ITGB8: variants seen among roughly 807,000 people sequenced by gnomAD.
ITGB8 encodes the protein integrin beta-8.
In ITGB8, 30 loss-of-function variants were observed where a neutral mutation model predicts 89.5. The observed-to-expected ratio is 0.34, with a 90% CI of 0.25 to 0.45. ITGB8 has a LOEUF of 0.45. Ranked by LOEUF, ITGB8 falls within the 20% of genes least tolerant of loss-of-function variation. The probability of loss-of-function intolerance (pLI) is 1.00; values close to 1 mark genes in which losing one functional copy is unlikely to be tolerated. For missense variants in ITGB8, 836 were observed against 933.3 expected (o/e 0.90, Z 1.36); for synonymous variants, 335 against 320.4 (o/e 1.05, Z -0.49).
chr7:20,365,603 A>C (rs892924176), intron 2 of ITGB8: 3 of 152,218 alleles, frequency 2.0e-5, no homozygotes, highest in Admixed American at 1.3e-4. Flanking sequence ...TTAGGACTAT[A>C]TATAGAACTT....
chr7:20,380,644 C>T (rs1478325026), intron 4 of ITGB8, 22 bp from the exon 5 acceptor site: 26 of 1,601,304 alleles, frequency 1.6e-5, no homozygotes, highest in Non-Finnish European at 2.1e-5. Flanking sequence ...ATAAACTTTA[C>T]ACTTCTTCTT....
intron 3 of ITGB8, among the ~76,000 whole-genome samples, chr7:20,376,211 G>A (rs1424677332): frequency 3.9e-5 from 6 of 152,126 alleles, no homozygotes; most frequent in South Asian, 4.1e-4. Context: ...ATGTAGCCAC[G>A]TCCCCATGCC....
At chr7:20,333,611 G>A (rs1257054357) in intron 1 of ITGB8, among the ~76,000 whole-genome samples, 1 of 151,908 alleles carries the variant, frequency 6.6e-6, no homozygotes, top group Non-Finnish European at 1.5e-5. Context: ...ATAAACATTA[G>A]TCAGGCTCTT....
At chr7:20,408,377 C>CAAA (rs3032573) in intron 12 of ITGB8, among the ~76,000 whole-genome samples, 17 of 97,330 alleles carry the variant, frequency 1.7e-4, no homozygotes, top group Admixed American at 3.2e-4. Context: ...TACCTTATCA[C>CAAA]AAAAAAAAAA....
chr7:20,352,926 A>G (rs1785159835), intron 1 of ITGB8: 1 of 152,214 alleles, frequency 6.6e-6, no homozygotes, highest in East Asian at 1.9e-4. Flanking sequence ...TTTCAATGCA[A>G]AGTTGATTAT....
chr7:20,348,789 G>T (rs1785013862), intron 1 of ITGB8, among the ~76,000 whole-genome samples: 2 of 152,176 alleles, frequency 1.3e-5, no homozygotes, highest in Non-Finnish European at 2.9e-5. Context: ...GATGGAAGCT[G>T]GGGAGAATCT....
intron 3 of ITGB8, among the ~76,000 whole-genome samples, chr7:20,376,139 G>C (rs1434915899): frequency 1.3e-5 from 2 of 152,228 alleles, no homozygotes; most frequent in African/African-American, 2.4e-5. Flanking sequence ...ATGAAACTGA[G>C]GGTGCTGTCC....
intron 1 of ITGB8, among the ~76,000 whole-genome samples, chr7:20,354,870 A>G (rs1046781634): frequency 5.3e-5 from 8 of 152,194 alleles, no homozygotes; most frequent in African/African-American, 1.4e-4. Flanking sequence ...AGTTCCTCTC[A>G]ATGCCACCTT....
chr7:20,370,574 C>T (rs1171992920), intron 3 of ITGB8, among the ~76,000 whole-genome samples: 1 of 148,100 alleles, frequency 6.8e-6, no homozygotes, highest in African/African-American at 2.5e-5. Context: ...TAAACTTTTA[C>T]ACTACTTTAT....
At chr7:20,334,503 A>T (rs1167573483) in intron 1 of ITGB8, among the ~76,000 whole-genome samples, 3 of 152,114 alleles carry the variant, frequency 2.0e-5, no homozygotes. Context: ...ATGAAATTTC[A>T]CCTTCTGTTT....
rs1787748736 is a variant in ITGB8 at position 20,411,171 on chromosome 7, T to TTTTA, written c.*1174_*1175insTTTA. On this transcript the variant is annotated 3_prime_UTR_variant, in exon 14 of 14. Transcript: ENST00000222573. ...CTTTTTTTTTTTTTTTTTTTTTTTT[T>TTTTA]GAGACGGAGTTTCACTCTTGTCACC... The TTTTA allele has an allele frequency of 1.1e-5, 1 of 94,204 alleles. No homozygotes were observed. The highest frequency in any genetic ancestry group is 4.2e-5 in the African/African-American group (1 of 23,554). 5.8% of individuals were successfully genotyped at this position (94,204 alleles called of 1,614,324 possible).
intron 7 of ITGB8, among the ~76,000 whole-genome samples, chr7:20,392,434 CT>C (rs921349695): frequency 6.6e-6 from 1 of 152,204 alleles, no homozygotes; most frequent in African/African-American, 2.4e-5. Flanking sequence ...GGTGTTCCCC[CT>C]ACCAGTTTCC....
intron 1 of ITGB8, among the ~76,000 whole-genome samples, chr7:20,335,517 C>A (rs1284500938): frequency 7.1e-6 from 1 of 141,658 alleles, no homozygotes; most frequent in African/African-American, 2.4e-5. Flanking sequence ...TTTCAAGGAT[C>A]TGCCTGCCCT....
Position 20,331,341 on chromosome 7 carries a change from G to C in ITGB8, c.-466G>C. ...GCCGGCGTCCCCTCCCACAGATCCA[G>C]CATCACCCAGTGAATGTACATTAGG... On this transcript the variant is annotated 5_prime_UTR_variant, in exon 1 of 14. Coordinates refer to ENST00000222573, the MANE Select transcript of ITGB8 (RefSeq NM_002214.3). 2 of 391,626 alleles carry C rather than the reference G, an allele frequency of 5.1e-6. No homozygotes were observed. The highest frequency in any genetic ancestry group is 9.0e-6 in the Non-Finnish European group (2 of 222,240). 24.3% of individuals were successfully genotyped at this position (391,626 alleles called of 1,614,324 possible). A position where few individuals can be genotyped will look rare whatever the true frequency, so the allele number is the denominator to read the frequency against.
chr7:20,381,873 A>G lies in ITGB8; in HGVS notation c.948A>G (p.Lys316=). 1 of 1,611,704 alleles carries G rather than the reference A, an allele frequency of 6.2e-7. No homozygotes were observed. Among genetic ancestry groups the G allele is most frequent in the Admixed American group, 1.7e-5 (1 of 59,478 alleles). The change falls in exon 6 of 14, where the codon AAA becomes AAG. Residue 316 remains lysine (K), a synonymous_variant. Transcript: ENST00000222573. ...ATCTGAAAAACAACGTCTATGTCAA[A>G]TCGACAACCATGGTAATGCAGCAGT... The part of the protein sequence containing the change: ...NCHLKNNVYV[K]STTMEHPSLG...
rs1358795606 is a variant in ITGB8, at chr7:20,331,676, G to A, written c.-131G>A. ...TGCACCGCTTGCTCCGAGCCGCGGG[G>A]TCCGCCTGCTAGGCCTGCGGAAAAC... is the stretch of plus-strand genomic sequence containing the variant. On this transcript the variant is annotated 5_prime_UTR_variant, in exon 1 of 14. Coordinates refer to ENST00000222573, the MANE Select transcript of ITGB8 (RefSeq NM_002214.3). 9 of 1,137,658 alleles carry A rather than the reference G, an allele frequency of 7.9e-6. No homozygotes were observed. The highest frequency in any genetic ancestry group is 1.8e-5 in the South Asian group (1 of 56,216). The allele number at this position is 1,137,658 out of a possible 1,614,324, so 70.5% of individuals were successfully genotyped here.
chr7:20,334,595 C>G (rs1250441253), intron 1 of ITGB8, among the ~76,000 whole-genome samples: 1 of 152,142 alleles, frequency 6.6e-6, no homozygotes, highest in Non-Finnish European at 1.5e-5. Context: ...TACTTCCCCT[C>G]AAAGCGTTGC....
At chr7:20,337,835 C>T (rs1274242128) in intron 1 of ITGB8, among the ~76,000 whole-genome samples, 1 of 152,232 alleles carries the variant, frequency 6.6e-6, no homozygotes, top group African/African-American at 2.4e-5. Context: ...AAGTCTGTCA[C>T]CCCCTCTAGA....
At chr7:20,395,953 A>G (rs1293894642) in intron 8 of ITGB8, among the ~76,000 whole-genome samples, 1 of 152,180 alleles carries the variant, frequency 6.6e-6, no homozygotes, top group Non-Finnish European at 1.5e-5. Context: ...GCTACCTTGA[A>G]TTTATGGGCC....
Sources: allele counts gnomAD v4.1 joint callset (sites outside exome capture counted in the v4.1 genomes callset), GRCh38; gene constraint gnomAD v4.1.1; transcripts MANE v1.5; gene names NCBI Gene and HGNC (gene_info 2026-07-23, HGNC 2026-07-21).